STK3: variants seen among roughly 807,000 people sequenced by gnomAD.
STK3 encodes the protein serine/threonine-protein kinase 3.
STK3 carries 41 observed loss-of-function variants against 58.0 expected under a neutral mutation model. That is an observed-to-expected ratio of 0.71 (90% CI 0.55 to 0.92). The LOEUF (loss-of-function observed/expected upper bound fraction) is 0.92, where lower values mean the gene tolerates loss of function less well. Ranked by LOEUF, STK3 falls within the 40% of genes least tolerant of loss-of-function variation. STK3 has a pLI of 0.00. For missense variants in STK3, 479 were observed against 602.7 expected, an observed-to-expected ratio of 0.79 and a Z score of 2.15; for synonymous variants, 170 against 191.0, an observed-to-expected ratio of 0.89 and a Z score of 0.91.
At chr8:98,842,326 A>G (rs1383926730) in intron 3 of STK3, among the ~76,000 whole-genome samples, 1 of 152,234 alleles carries the variant, frequency 6.6e-6, no homozygotes, top group Non-Finnish European at 1.5e-5. Context: ...AGAGCCAATG[A>G]GGTTTTGAAA....
chr8:98,699,996 C>G (rs1422520283), intron 6 of STK3, among the ~76,000 whole-genome samples: 1 of 152,242 alleles, frequency 6.6e-6, no homozygotes, highest in East Asian at 1.9e-4. Flanking sequence ...GGCAGGCCTC[C>G]TTGAGCTGTG....
At chr8:98,917,471 G>C (rs1394346012) in intron 1 of STK3, among the ~76,000 whole-genome samples, 1 of 152,140 alleles carries the variant, frequency 6.6e-6, no homozygotes, top group East Asian at 1.9e-4. Context: ...CCCCCAATTT[G>C]ATGATGGTAT....
intron 1 of STK3, among the ~76,000 whole-genome samples, chr8:98,895,191 T>G (rs1263548101): frequency 6.6e-6 from 1 of 152,130 alleles, no homozygotes; most frequent in East Asian, 1.9e-4. Context: ...TATGGCGCAA[T>G]GTTTCTCAAC....
intron 6 of STK3, among the ~76,000 whole-genome samples, chr8:98,637,689 A>T (rs957493928): frequency 4.6e-5 from 7 of 152,328 alleles, no homozygotes; most frequent in Non-Finnish European, 1.0e-4. Context: ...GAATCTGCAC[A>T]ATGTCTAAAA....
At chr8:98,600,167 C>T (rs1326185794) in intron 6 of STK3, among the ~76,000 whole-genome samples, 1 of 152,170 alleles carries the variant, frequency 6.6e-6, no homozygotes, top group Non-Finnish European at 1.5e-5. Flanking sequence ...AATCATTAAT[C>T]TGGCCAAGAA....
chr8:98,496,289 GAACT>G (rs1823130150), intron 10 of STK3, among the ~76,000 whole-genome samples: 1 of 151,862 alleles, frequency 6.6e-6, no homozygotes, highest in South Asian at 2.1e-4. Context: ...AAAATTATTA[GAACT>G]AATAAACAAG....
At chr8:98,741,379 A>T (rs1203410185) in intron 4 of STK3, among the ~76,000 whole-genome samples, 2 of 152,206 alleles carry the variant, frequency 1.3e-5, no homozygotes, top group African/African-American at 2.4e-5. Flanking sequence ...AAAGATCAGA[A>T]ATTATAACAA....
At chr8:98,504,691 T>C (rs1823908043) in intron 10 of STK3, among the ~76,000 whole-genome samples, 1 of 152,228 alleles carries the variant, frequency 6.6e-6, no homozygotes, top group Non-Finnish European at 1.5e-5. Context: ...TGAAAATTCA[T>C]TTCTTTAAGA....
At chr8:98,351,760 C>T in the STK3 span, among the ~76,000 whole-genome samples, 1 of 152,154 alleles carries the variant, frequency 6.6e-6, no homozygotes, top group Non-Finnish European at 1.5e-5. Context: ...AATTTTTACT[C>T]AAAAGATGCA....
the STK3 span, among the ~76,000 whole-genome samples, chr8:98,363,985 C>T: frequency 1.3e-5 from 2 of 152,150 alleles, no homozygotes; most frequent in Non-Finnish European, 2.9e-5. Flanking sequence ...TGTTGCCCAG[C>T]GCTGTTCTCT....
At chr8:98,787,038 G>A (rs947081463) in intron 1 of STK3, among the ~76,000 whole-genome samples, 2 of 151,502 alleles carry the variant, frequency 1.3e-5, no homozygotes. Flanking sequence ...GTGTGGTGGT[G>A]CATGCCTGTA....
At chr8:98,716,599 C>G (rs1484758069) in intron 4 of STK3, among the ~76,000 whole-genome samples, 2 of 152,082 alleles carry the variant, frequency 1.3e-5, no homozygotes, top group East Asian at 3.8e-4. Flanking sequence ...GATGCCCATG[C>G]TACCCAAAGC....
chr8:98,847,240 G>A (rs977375676), intron 3 of STK3, among the ~76,000 whole-genome samples: 1 of 152,150 alleles, frequency 6.6e-6, no homozygotes, highest in African/African-American at 2.4e-5. Flanking sequence ...CAATATATGA[G>A]GTGAATCAGA....
chr8:98,919,898 T>A (rs541470039), intron 1 of STK3, among the ~76,000 whole-genome samples: 59 of 152,236 alleles, frequency 3.9e-4, no homozygotes, highest in Non-Finnish European at 6.6e-4. Context: ...CACAAAAATG[T>A]TGGGGGGAGG....
chr8:98,697,845 T>A (rs1481854971), intron 6 of STK3, among the ~76,000 whole-genome samples: 2 of 152,160 alleles, frequency 1.3e-5, no homozygotes. Flanking sequence ...TTCTGTTGAT[T>A]TGGGGTGGAG....
In STK3 at chr8:98,766,851, G is replaced by T. The variant is rs183022484; in HGVS notation, c.236+392C>A. Among the ~76,000 whole-genome samples the T allele has an allele frequency of 3.5e-3, 526 of 152,290 alleles. 4 individuals are homozygous for T. The highest frequency in any genetic ancestry group is 0.012 in the African/African-American group (502 of 41,562). ...CAGAAATGAAAACTAGGCCAGGCAT[G>T]GTAGCTCACGCCTGTAATCCCAGCA... On this transcript the variant is annotated intron_variant, in intron 3 of 10. Coordinates refer to ENST00000419617, the MANE Select transcript of STK3 (RefSeq NM_006281.4).
In STK3 at chr8:98,885,687, G is replaced by A. The variant is rs368975715; in HGVS notation, c.-78-1853C>T. Among the ~76,000 whole-genome samples the A allele has an allele frequency of 4.6e-5, 7 of 152,300 alleles. No homozygotes were observed. In the South Asian group the frequency reaches 8.3e-4, roughly 18 times the overall value. Reference sequence around the variant, plus strand: ...ACTCCCAATCTCAGGTGATCTGCCCGCCTCGGCCTCCCAAAGTGCTGGGAT... The same window carrying A: ...ACTCCCAATCTCAGGTGATCTGCCCACCTCGGCCTCCCAAAGTGCTGGGAT... On this transcript the variant is annotated intron_variant, in intron 1 of 1. Coordinates refer to the STK3 transcript ENST00000519420.
chr8:98,347,890 G>A, the STK3 span, among the ~76,000 whole-genome samples: 2 of 152,150 alleles, frequency 1.3e-5, no homozygotes, highest in Non-Finnish European at 2.9e-5. Context: ...GTCCCTGCAA[G>A]ATATTTTGTA....
intron 6 of STK3, among the ~76,000 whole-genome samples, chr8:98,675,731 C>T (rs1415692084): frequency 2.0e-5 from 3 of 151,872 alleles, no homozygotes; most frequent in Non-Finnish European, 2.9e-5. Context: ...GACGTGGTGG[C>T]GGGCAGCCTG....
Sources: gnomAD v4.1 joint callset for allele counts (sites outside exome capture counted in the v4.1 genomes callset) on GRCh38, gnomAD v4.1.1 for gene constraint, MANE v1.5 for transcripts, NCBI Gene and HGNC (gene_info 2026-07-23, HGNC 2026-07-21) for gene names.